The following UBAP2 variants were observed in gnomAD, a reference collection of about 807,000 sequenced individuals.
UBAP2 encodes ubiquitin-associated protein 2.
In UBAP2, 75 loss-of-function variants were observed where a neutral mutation model predicts 139.6. That is an observed-to-expected ratio of 0.54 (90% CI 0.45 to 0.65). The LOEUF (loss-of-function observed/expected upper bound fraction) is 0.65, where lower values mean the gene tolerates loss of function less well. Ranked by LOEUF, UBAP2 falls within the 30% of genes least tolerant of loss-of-function variation. The pLI, the probability that UBAP2 is intolerant of heterozygous loss-of-function variation, is 0.00. For missense variants in UBAP2, 1,368 were observed against 1,369.6 expected, an observed-to-expected ratio of 1.00 and a Z score of 0.02; for synonymous variants, 526 against 526.2, an observed-to-expected ratio of 1.00 and a Z score of 0.01.
chr9:33,991,509 G>C (rs1821712178), intron 4 of UBAP2, among the ~76,000 whole-genome samples: 1 of 152,126 alleles, frequency 6.6e-6, no homozygotes, highest in Non-Finnish European at 1.5e-5. Flanking sequence ...GAAAAAGCAA[G>C]CTATCAGCAA....
chr9:33,939,910 GGGAGGAGAAGA>G (rs140183656), intron 16 of UBAP2, among the ~76,000 whole-genome samples: 1,413 of 51,338 alleles, frequency 0.028, 204 homozygotes, highest in African/African-American at 0.053. Flanking sequence ...GAGGAGGATG[GGGAGGAGAAGA>G]AGAGGAGAAG....
At chr9:33,974,694 G>A (rs974885801) in intron 6 of UBAP2, among the ~76,000 whole-genome samples, 1 of 152,194 alleles carries the variant, frequency 6.6e-6, no homozygotes, top group Non-Finnish European at 1.5e-5. Flanking sequence ...GCTCATGCCT[G>A]TAATCCCAGC....
At chr9:33,931,557 C>A (rs1375238234) in intron 19 of UBAP2, among the ~76,000 whole-genome samples, 7 of 152,164 alleles carry the variant, frequency 4.6e-5, no homozygotes, top group Non-Finnish European at 1.0e-4. Context: ...AGGGCAGGGG[C>A]AGAGGGACAG....
At chr9:33,980,212 T>A (rs1346299747) in intron 6 of UBAP2, among the ~76,000 whole-genome samples, 1 of 140,666 alleles carries the variant, frequency 7.1e-6, no homozygotes, top group African/African-American at 2.6e-5. Context: ...AAATCCTGAG[T>A]GTCATTTCTT....
intron 1 of UBAP2, among the ~76,000 whole-genome samples, chr9:34,023,269 G>A (rs1197964165): frequency 1.3e-5 from 2 of 151,340 alleles, no homozygotes; most frequent in Non-Finnish European, 1.5e-5. Context: ...AACAAAATGA[G>A]ACTTTCTCCA....
Position 33,923,784 on chromosome 9 carries a change from G to T in UBAP2, c.2796+11C>A. 1 of 1,613,742 alleles carries T rather than the reference G, an allele frequency of 6.2e-7. No individual in the cohort carries two copies. Among genetic ancestry groups the T allele is most frequent in the Non-Finnish European group, 8.5e-7 (1 of 1,179,718 alleles). On this transcript the variant is annotated intron_variant, in intron 24 of 28. Transcript: ENST00000379238. ...GCCAGGAGACACAGTCACACCCTCT[G>T]AAATACTCACAAACATGGTGGGGCC...
At chr9:33,941,896 GTTACT>G (rs754083202) in intron 15 of UBAP2, 34 bp from the exon 16 acceptor site, 29 of 1,478,164 alleles carry the variant, frequency 2.0e-5, no homozygotes, top group Non-Finnish European at 2.5e-5. Context: ...ACATAATTTT[GTTACT>G]TTAAATAGCT....
At chr9:34,016,370 C>CGGCGGTGGTGGTGGTGGT (rs1321174650) in intron 2 of UBAP2, among the ~76,000 whole-genome samples, 25 of 93,734 alleles carry the variant, frequency 2.7e-4, no homozygotes, top group African/African-American at 1.1e-3. Context: ...GCGGCAGCGG[C>CGGCGGTGGTGGTGGTGGT]GGTGGTGGTG....
At chr9:33,947,233 C>G (rs1825718164) in intron 13 of UBAP2, among the ~76,000 whole-genome samples, 1 of 152,172 alleles carries the variant, frequency 6.6e-6, no homozygotes, top group Non-Finnish European at 1.5e-5. Context: ...TAAGTCATTT[C>G]ACAGAACAGA....
At chr9:34,004,550 A>T (rs931365130) in intron 2 of UBAP2, among the ~76,000 whole-genome samples, 2 of 152,162 alleles carry the variant, frequency 1.3e-5, no homozygotes, top group African/African-American at 4.8e-5. Context: ...TGGGAGGCCA[A>T]GGCGGGTGGA....
chr9:33,986,624 TA>T, intron 6 of UBAP2, 135 bp downstream of exon 6: 1 of 784,746 alleles, frequency 1.3e-6, no homozygotes, highest in Non-Finnish European at 2.2e-6. Context: ...CAGGCATCAG[TA>T]AACAAATGAT....
chr9:34,005,420 G>A (rs968303361), intron 2 of UBAP2, among the ~76,000 whole-genome samples: 1 of 139,036 alleles, frequency 7.2e-6, no homozygotes, highest in Non-Finnish European at 1.5e-5. Context: ...GGAAGCCAGG[G>A]CAAGACCCTG....
chr9:33,997,585 T>G (rs986935259), intron 3 of UBAP2: 2 of 152,224 alleles, frequency 1.3e-5, no homozygotes, highest in African/African-American at 4.8e-5. Context: ...AGTCTTTGGA[T>G]AGCTACTAAT....
At chr9:33,963,638 AT>A in intron 9 of UBAP2, 87 bp downstream of exon 9, 1 of 757,036 alleles carries the variant, frequency 1.3e-6, no homozygotes, top group South Asian at 1.8e-5. Context: ...ATAAATTTTT[AT>A]TAGCTAGCTT....
intron 8 of UBAP2, among the ~76,000 whole-genome samples, chr9:33,966,645 A>G (rs936965239): frequency 1.3e-5 from 2 of 152,150 alleles, no homozygotes; most frequent in Non-Finnish European, 2.9e-5. Context: ...AACATGTTGC[A>G]TAATATTAAC....
intron 9 of UBAP2, 65 bp downstream of exon 9, chr9:33,963,661 G>T: frequency 2.1e-6 from 2 of 956,192 alleles, no homozygotes; most frequent in South Asian, 3.1e-5. Context: ...GATAAAAAAT[G>T]AAAGATATTG....
chr9:33,972,207 C>T (rs1321363807), intron 7 of UBAP2, among the ~76,000 whole-genome samples: 1 of 152,200 alleles, frequency 6.6e-6, no homozygotes, highest in African/African-American at 2.4e-5. Flanking sequence ...ACATTTTGTT[C>T]AGCACCTCTA....
At chr9:33,987,835 A>ATTTT (rs1821348236) in intron 5 of UBAP2, among the ~76,000 whole-genome samples, 3 of 152,252 alleles carry the variant, frequency 2.0e-5, no homozygotes, top group Non-Finnish European at 4.4e-5. Context: ...CAAAATAGCA[A>ATTTT]TACCAAGGAA....
At position 34,028,208 on chromosome 9, in the gene UBAP2, G is replaced by A. The variant is rs555985744; in HGVS notation, c.-41-11019C>T. ...CCTGCCCATGGAAAGGATGAGTGCT[G>A]GTGAACTCAAACACTATAGGACATC... On this transcript the variant is annotated intron_variant, in intron 1 of 28. Coordinates refer to ENST00000379238, the MANE Select transcript of UBAP2 (RefSeq NM_001370062.2). 1.8e-4 allele frequency among the ~76,000 whole-genome samples: 28 copies of A among 151,922 alleles called. 1 individual carries two copies. Among genetic ancestry groups the A allele is most frequent in the African/African-American group, 6.3e-4 (26 of 41,440 alleles).
Sources: gnomAD v4.1 joint callset for allele counts (sites outside exome capture counted in the v4.1 genomes callset) on GRCh38, gnomAD v4.1.1 for gene constraint, MANE v1.5 for transcripts, NCBI Gene and HGNC (gene_info 2026-07-23, HGNC 2026-07-21) for gene names.